Variants in SLC2A13 observed in about 807,000 individuals in gnomAD.
SLC2A13 encodes proton myo-inositol cotransporter.
SLC2A13 carries 32 observed loss-of-function variants against 64.4 expected under a neutral mutation model. The ratio of observed to expected loss-of-function variants is 0.50; its 90% CI spans 0.37 to 0.67. SLC2A13 has a LOEUF of 0.67. SLC2A13 is among the 30% of genes least tolerant of loss of function. SLC2A13 has a pLI of 0.00. For synonymous variants in SLC2A13, 338 were observed against 327.1 expected (o/e 1.03, Z -0.36); for missense variants, 743 against 829.2 (o/e 0.90, Z 1.28).
intron 1 of SLC2A13, among the ~76,000 whole-genome samples, chr12:40,082,217 G>A (rs1294701796): frequency 6.6e-6 from 1 of 152,182 alleles, no homozygotes; most frequent in Non-Finnish European, 1.5e-5. Context: ...TGTTCACTGA[G>A]CAATCCTGTG....
intron 7 of SLC2A13, among the ~76,000 whole-genome samples, chr12:39,817,570 C>A (rs182432874): frequency 8.8e-4 from 134 of 152,194 alleles, no homozygotes; most frequent in African/African-American, 3.2e-3. Context: ...CTGATGGCAG[C>A]TAAGGGGGTT....
chr12:39,865,451 A>G (rs10784223), intron 5 of SLC2A13, among the ~76,000 whole-genome samples: 105,374 of 152,118 alleles, frequency 0.69, 37,422 homozygotes, highest in African/African-American at 0.84. Flanking sequence ...TATATCACAT[A>G]TATTCTTTTT....
intron 7 of SLC2A13, among the ~76,000 whole-genome samples, chr12:39,781,689 CA>C (rs1239278714): frequency 6.6e-6 from 1 of 152,176 alleles, no homozygotes; most frequent in African/African-American, 2.4e-5. Context: ...TATATTTTAA[CA>C]GCATAGTTAT....
chr12:39,782,234 A>G (rs1941012952), intron 7 of SLC2A13, among the ~76,000 whole-genome samples: 1 of 152,184 alleles, frequency 6.6e-6, no homozygotes, highest in Non-Finnish European at 1.5e-5. Flanking sequence ...AAGTTTCCCC[A>G]GTAACATGGT....
intron 4 of SLC2A13, among the ~76,000 whole-genome samples, chr12:39,948,005 A>G (rs1946168095): frequency 1.3e-5 from 2 of 150,246 alleles, no homozygotes; most frequent in African/African-American, 4.9e-5. Context: ...TTCATCTATC[A>G]CTCCTCTTCT....
intron 1 of SLC2A13, among the ~76,000 whole-genome samples, chr12:40,096,886 C>T (rs1335326234): frequency 6.6e-6 from 1 of 152,080 alleles, no homozygotes; most frequent in Non-Finnish European, 1.5e-5. Context: ...ACATTAAATA[C>T]TAATACTAAT....
chr12:39,929,698 TAAG>T (rs764506184), intron 4 of SLC2A13, among the ~76,000 whole-genome samples: 2 of 152,030 alleles, frequency 1.3e-5, no homozygotes, highest in African/African-American at 2.4e-5. Flanking sequence ...GAAAGTTCTG[TAAG>T]AAGAGCAGAA....
chr12:39,877,773 T>C (rs1944227384), intron 4 of SLC2A13, among the ~76,000 whole-genome samples: 1 of 152,240 alleles, frequency 6.6e-6, no homozygotes, highest in Non-Finnish European at 1.5e-5. Context: ...TAAACCTTTA[T>C]GCAGTAGTTT....
chr12:39,821,991 C>T (rs1464720735), intron 7 of SLC2A13, among the ~76,000 whole-genome samples: 5 of 151,664 alleles, frequency 3.3e-5, no homozygotes, highest in Non-Finnish European at 5.9e-5. Context: ...CATATGTATA[C>T]ATGTGACATG....
chr12:39,978,833 G>A (rs1259864107), intron 3 of SLC2A13, among the ~76,000 whole-genome samples: 3 of 151,856 alleles, frequency 2.0e-5, no homozygotes, highest in Non-Finnish European at 4.4e-5. Flanking sequence ...AGCTCAAGGA[G>A]GCCTGCCTGC....
chr12:39,867,416 GC>G (rs1278020537), intron 5 of SLC2A13, among the ~76,000 whole-genome samples: 12 of 151,752 alleles, frequency 7.9e-5, no homozygotes, highest in Non-Finnish European at 5.9e-5. Flanking sequence ...GAATGGATGG[GC>G]CACCATACTA....
intron 1 of SLC2A13, among the ~76,000 whole-genome samples, chr12:40,075,796 CCT>C (rs1005368838): frequency 6.6e-6 from 1 of 151,722 alleles, no homozygotes; most frequent in Non-Finnish European, 1.5e-5. Context: ...TTCCATTTTC[CCT>C]CTTATTTTAG....
intron 3 of SLC2A13, among the ~76,000 whole-genome samples, chr12:39,971,159 A>G (rs1030739753): frequency 1.3e-5 from 2 of 151,900 alleles, no homozygotes; most frequent in Admixed American, 6.6e-5. Context: ...TGTATCTTCC[A>G]TAAGTTTCCT....
intron 7 of SLC2A13, among the ~76,000 whole-genome samples, chr12:39,776,992 C>T (rs1011743186): frequency 6.6e-6 from 1 of 152,042 alleles, no homozygotes; most frequent in African/African-American, 2.4e-5. Flanking sequence ...ATGGCTTTTC[C>T]CCATATAGTT....
intron 3 of SLC2A13, among the ~76,000 whole-genome samples, chr12:39,965,887 A>C (rs1436331338): frequency 2.0e-5 from 3 of 152,124 alleles, no homozygotes; most frequent in Non-Finnish European, 4.4e-5. Flanking sequence ...AAGAACATTT[A>C]GGAATGATTA....
Position 39,960,532 on chromosome 12 carries a change from A to T in SLC2A13, c.926-9167T>A, listed in dbSNP as rs1333352926. Reference sequence around the variant, plus strand: ...GTAGCTGGGATTACAGGCACGCATGACCATGCCTGGCTAATTTTTTTATTT... The same window carrying T: ...GTAGCTGGGATTACAGGCACGCATGTCCATGCCTGGCTAATTTTTTTATTT... On this transcript the variant is annotated intron_variant, in intron 3 of 9. Transcript: ENST00000280871. Among the ~76,000 whole-genome samples the T allele has an allele frequency of 2.0e-5, 3 of 151,980 alleles. No individual in the cohort carries two copies. In the East Asian group the frequency reaches 5.8e-4, roughly 29 times the overall value.
At chr12:39,885,957 C>A (rs935337683) in intron 4 of SLC2A13, among the ~76,000 whole-genome samples, 3 of 152,158 alleles carry the variant, frequency 2.0e-5, no homozygotes, top group African/African-American at 7.2e-5. Context: ...CACTCCAGAG[C>A]AAATGTTTTG....
chr12:40,042,812 A>C (rs1434372549), intron 2 of SLC2A13, among the ~76,000 whole-genome samples: 1 of 152,184 alleles, frequency 6.6e-6, no homozygotes, highest in Non-Finnish European at 1.5e-5. Context: ...TGAGTATAAA[A>C]ATGGAGCTTT....
At chr12:40,021,814 G>A (rs1011600525) in intron 3 of SLC2A13, among the ~76,000 whole-genome samples, 2 of 152,172 alleles carry the variant, frequency 1.3e-5, no homozygotes, top group African/African-American at 4.8e-5. Flanking sequence ...TGCAGCAGAT[G>A]TCAATTGCAA....
Sources: gnomAD v4.1 joint callset for allele counts (sites outside exome capture counted in the v4.1 genomes callset) on GRCh38, gnomAD v4.1.1 for gene constraint, MANE v1.5 for transcripts, NCBI Gene and HGNC (gene_info 2026-07-23, HGNC 2026-07-21) for gene names.